The following SLC22A14 variants were observed in gnomAD, a reference collection of about 807,000 sequenced individuals.
SLC22A14 encodes the protein organic cation transporter-like 4.
SLC22A14 carries 50 observed loss-of-function variants against 53.9 expected under a neutral mutation model. The ratio of observed to expected loss-of-function variants is 0.93; its 90% CI spans 0.74 to 1.17. The LOEUF (loss-of-function observed/expected upper bound fraction) is 1.17, where lower values mean the gene tolerates loss of function less well. SLC22A14 is among the 50% of genes most tolerant of loss of function. The pLI is 0.00. For synonymous variants in SLC22A14, 312 were observed against 303.0 expected, an observed-to-expected ratio of 1.03 and a Z score of -0.31; for missense variants, 671 against 734.7, an observed-to-expected ratio of 0.91 and a Z score of 1.00.
At chr3:38,301,576 CTG>C (rs1374553408) in intron 1 of SLC22A14, among the ~76,000 whole-genome samples, 1 of 152,124 alleles carries the variant, frequency 6.6e-6, no homozygotes, top group Non-Finnish European at 1.5e-5. Context: ...TTCTGATTCT[CTG>C]TGGATTCTTT....
chr3:38,282,623 C>T (rs964788294), intron 1 of SLC22A14, among the ~76,000 whole-genome samples: 4 of 152,132 alleles, frequency 2.6e-5, no homozygotes, highest in Non-Finnish European at 4.4e-5. Flanking sequence ...ACCTCTTTGG[C>T]ACATTGAGAG....
intron 1 of SLC22A14, among the ~76,000 whole-genome samples, chr3:38,283,598 G>A (rs1158261209): frequency 6.6e-6 from 1 of 152,220 alleles, no homozygotes; most frequent in Non-Finnish European, 1.5e-5. Flanking sequence ...GGGAGGCCGA[G>A]GCGGGAAGAT....
Position 38,289,397 on chromosome 3 carries a change from C to T in SLC22A14, c.-1+7058C>T, listed in dbSNP as rs1032646488. Among the ~76,000 whole-genome samples, 3 of 152,126 alleles carry T rather than the reference C, an allele frequency of 2.0e-5. No homozygotes were observed. In the East Asian group the frequency reaches 5.8e-4, roughly 29 times the overall value. On this transcript the variant is annotated intron_variant, in intron 1 of 10. Coordinates refer to ENST00000448498, the MANE Select transcript of SLC22A14 (RefSeq NM_001320033.2). ...GTCTGAGATCCAATCCAGGATCCCA[C>T]ACTGTGATTCGTTGTCATGTTGTTA...
In SLC22A14 at chr3:38,307,419, A is replaced by G; in HGVS notation, c.620+62A>G. The G allele has an allele frequency of 1.2e-5, 18 of 1,526,676 alleles. No homozygotes were observed. The highest frequency in any genetic ancestry group is 1.4e-5 in the Non-Finnish European group (15 of 1,100,672). 94.6% of individuals were successfully genotyped at this position (1,526,676 alleles called of 1,614,324 possible). A position where few individuals can be genotyped will look rare whatever the true frequency, so the allele number is the denominator to read the frequency against. On this transcript the variant is annotated intron_variant, in intron 3 of 10. Transcript: ENST00000448498. This position sits in a 1 kb window ranked among gnomAD's most constrained non-coding sequence, Gnocchi z 4.4. Reference sequence around the variant, plus strand: ...TCCCAACTCCTCCTCATGGGCATTCAGGGTTGGAGTGTGTCAGGCTGAGGG... The same window carrying G: ...TCCCAACTCCTCCTCATGGGCATTCGGGGTTGGAGTGTGTCAGGCTGAGGG...
At chr3:38,306,615 G>A in intron 2 of SLC22A14, 73 bp downstream of exon 2, 1 of 1,426,060 alleles carries the variant, frequency 7.0e-7, no homozygotes, top group East Asian at 2.3e-5. Flanking sequence ...CACTGAATGG[G>A]TGGGGAAACC....
chr3:38,285,191 C>T (rs947545089), intron 1 of SLC22A14, among the ~76,000 whole-genome samples: 5 of 151,986 alleles, frequency 3.3e-5, no homozygotes, highest in Non-Finnish European at 5.9e-5. Flanking sequence ...CAGAAGTTCA[C>T]TACACTAAAC....
chr3:38,295,647 G>GT (rs1398791195), intron 1 of SLC22A14, among the ~76,000 whole-genome samples: 3 of 151,872 alleles, frequency 2.0e-5, no homozygotes, highest in Non-Finnish European at 4.4e-5. Context: ...GGCACACTGG[G>GT]TTTTTTTAAT....
intron 1 of SLC22A14, among the ~76,000 whole-genome samples, chr3:38,289,605 AAACCC>A (rs1703866860): frequency 6.6e-6 from 1 of 152,186 alleles, no homozygotes; most frequent in Non-Finnish European, 1.5e-5. Flanking sequence ...GAGAACCATG[AAACCC>A]AGCTACTAGT....
Position 38,307,981 on chromosome 3 carries a change from A to G in SLC22A14, c.775+261A>G, listed in dbSNP as rs1041719266. Reference sequence around the variant, plus strand: ...CCTGGCTGCCTGGAGATGTCAGAGAATCAGTGCCCTGACTGCCCTTCCACC... The same window carrying G: ...CCTGGCTGCCTGGAGATGTCAGAGAGTCAGTGCCCTGACTGCCCTTCCACC... On this transcript the variant is annotated intron_variant, in intron 4 of 10. Transcript: ENST00000448498. The surrounding 1 kb of genome is among the most constrained non-coding windows in gnomAD (Gnocchi z 4.4). The G allele has an allele frequency of 2.5e-5, 13 of 521,548 alleles. No homozygotes were observed. The highest frequency in any genetic ancestry group is 1.0e-5 in the Non-Finnish European group (3 of 288,250). The allele number at this position is 521,548 out of a possible 1,614,324, so 32.3% of individuals were successfully genotyped here. A position where few individuals can be genotyped will look rare whatever the true frequency, so the allele number is the denominator to read the frequency against.
At chr3:38,313,688 G>GCGCGCA in intron 7 of SLC22A14, 39 bp from the exon 8 acceptor site, 1 of 1,361,586 alleles carries the variant, frequency 7.3e-7, no homozygotes, top group African/African-American at 1.4e-5. Flanking sequence ...GTGTGTGTGC[G>GCGCGCA]CGCGTGTGCA....
At chr3:38,315,785 C>T in intron 9 of SLC22A14, 74 bp downstream of exon 9, 1 of 1,441,826 alleles carries the variant, frequency 6.9e-7, no homozygotes, top group South Asian at 1.2e-5. Flanking sequence ...AATGCAGCAA[C>T]TAAGACAAGC....
At chr3:38,313,361 C>CT in intron 6 of SLC22A14, 27 bp from the exon 7 acceptor site, 1 of 1,576,438 alleles carries the variant, frequency 6.3e-7, no homozygotes, top group Non-Finnish European at 8.7e-7. Flanking sequence ...TTGGCCCTGC[C>CT]TCTGACTGGT....
At chr3:38,304,820 G>T (rs919137379) in intron 1 of SLC22A14, among the ~76,000 whole-genome samples, 2 of 152,108 alleles carry the variant, frequency 1.3e-5, no homozygotes, top group Non-Finnish European at 2.9e-5. Flanking sequence ...CTGGATCTAA[G>T]AATTTGTTTT....
At chr3:38,311,440 A>G (rs1704464822) in intron 5 of SLC22A14, among the ~76,000 whole-genome samples, 1 of 152,230 alleles carries the variant, frequency 6.6e-6, no homozygotes, top group South Asian at 2.1e-4. Flanking sequence ...GTTCTCTCCC[A>G]AACACACTTT....
At chr3:38,314,200 G>A (rs1704563219) in intron 8 of SLC22A14, among the ~76,000 whole-genome samples, 1 of 152,174 alleles carries the variant, frequency 6.6e-6, no homozygotes, top group African/African-American at 2.4e-5. Context: ...AGGACAGCAG[G>A]CAGCCTTCTT....
In SLC22A14 at chr3:38,307,580, C is replaced by G. The variant is rs1353032073; in HGVS notation, c.635C>G (p.Pro212Arg). 1 of 1,613,994 alleles carries G rather than the reference C, an allele frequency of 6.2e-7. No individual in the cohort carries two copies. Among genetic ancestry groups the G allele is most frequent in the African/African-American group, 1.3e-5 (1 of 74,948 alleles). The change falls in exon 4 of 11, where the codon CCT (proline) becomes CGT (arginine). Residue 212 changes from proline to arginine, a missense_variant. Physicochemically the swap from Pro to Arg is moderately radical, Grantham distance 103. Coordinates refer to ENST00000448498, the MANE Select transcript of SLC22A14 (RefSeq NM_001320033.2). The surrounding 1 kb of genome is among the most constrained non-coding windows in gnomAD (Gnocchi z 4.4). ...RLITDKMGRY[P>R]AILLSLLGLI... ...GACACCTGTAGGATGGGCCGCTACC[C>G]TGCCATCCTGCTGTCACTGCTGGGG...
chr3:38,316,480 A>T lies in SLC22A14; in HGVS notation c.1689A>T (p.Arg563=). 6.2e-7 allele frequency: 1 copy of T among 1,613,970 alleles called. No homozygotes were observed. Among genetic ancestry groups the T allele is most frequent in the Non-Finnish European group, 8.5e-7 (1 of 1,179,994 alleles). ...FSLSSLLPET[R]DQPLSESLNH... ...TCTCCTCCCTGCTGCCGGAAACGCG[A>T]GATCAGCCCCTCTCCGAGAGCCTGA... Residue 563 remains arginine (R), a synonymous_variant, in exon 10 of 11, where the codon CGA becomes CGT. Coordinates refer to ENST00000448498, the MANE Select transcript of SLC22A14 (RefSeq NM_001320033.2).
At chr3:38,313,574 G>A in intron 7 of SLC22A14, 89 bp downstream of exon 7, 6 of 1,068,434 alleles carry the variant, frequency 5.6e-6, no homozygotes, top group Non-Finnish European at 8.7e-6. Flanking sequence ...CAGGCTGCAG[G>A]GGAGGCAGCC....
intron 1 of SLC22A14, among the ~76,000 whole-genome samples, chr3:38,301,756 T>C (rs1704165022): frequency 6.6e-6 from 1 of 151,848 alleles, no homozygotes; most frequent in South Asian, 2.1e-4. Context: ...GATTTTTTTT[T>C]TTGTGGAGGG....
Sources: allele counts gnomAD v4.1 joint callset (sites outside exome capture counted in the v4.1 genomes callset), GRCh38; gene constraint gnomAD v4.1.1; non-coding constraint Gnocchi (gnomAD v3.1); transcripts MANE v1.5; gene names NCBI Gene and HGNC (gene_info 2026-07-23, HGNC 2026-07-21).